Variants in GRM8 observed in about 807,000 individuals in gnomAD.
GRM8 encodes glutamate metabotropic receptor 8.
Under a neutral mutation model 87.2 loss-of-function variants are expected in GRM8, and 47 were observed. That is an observed-to-expected ratio of 0.54 (90% CI 0.43 to 0.69). GRM8 has a LOEUF of 0.69. Among genes scored for constraint, GRM8 ranks in the 30% least tolerant of loss-of-function variants. The probability of loss-of-function intolerance (pLI) is 0.00; values close to 1 mark genes in which losing one functional copy is unlikely to be tolerated. For missense variants in GRM8, 1,019 were observed against 1,139.2 expected (o/e 0.89, Z 1.52); for synonymous variants, 396 against 404.5 (o/e 0.98, Z 0.25).
intron 9 of GRM8, among the ~76,000 whole-genome samples, chr7:126,498,024 C>A (rs1162385814): frequency 2.0e-5 from 3 of 151,928 alleles, no homozygotes; most frequent in African/African-American, 7.2e-5. Context: ...ATCCCTTGAC[C>A]CTGAAATATC....
chr7:127,182,683 A>G (rs560431308), intron 2 of GRM8, among the ~76,000 whole-genome samples: 3 of 138,194 alleles, frequency 2.2e-5, no homozygotes, highest in Admixed American at 1.5e-4. Context: ...GTGTGTGTGT[A>G]TAGACAGATA....
chr7:127,171,138 A>G (rs1243300373), intron 2 of GRM8, among the ~76,000 whole-genome samples: 1 of 152,174 alleles, frequency 6.6e-6, no homozygotes, highest in Non-Finnish European at 1.5e-5. Flanking sequence ...ATGTGATGCA[A>G]ATAGCAAGAG....
intron 8 of GRM8, among the ~76,000 whole-genome samples, chr7:126,538,866 C>T (rs1816183367): frequency 6.6e-6 from 1 of 151,930 alleles, no homozygotes; most frequent in African/African-American, 2.4e-5. Context: ...TGAATGAGTA[C>T]ATGTTGCACA....
At chr7:126,602,364 C>T (rs191128280) in intron 8 of GRM8, among the ~76,000 whole-genome samples, 5,216 of 122,864 alleles carry the variant, frequency 0.042, 84 homozygotes, top group Middle Eastern at 0.063. Flanking sequence ...AGTCAGGTAG[C>T]GTGATGCCTC....
intron 9 of GRM8, among the ~76,000 whole-genome samples, chr7:126,473,254 G>A (rs1805510560): frequency 1.3e-5 from 2 of 152,136 alleles, no homozygotes; most frequent in South Asian, 2.1e-4. Context: ...GAACTGGGGT[G>A]GTATTCTGCA....
chr7:126,516,356 CT>C (rs1342525581), intron 9 of GRM8, among the ~76,000 whole-genome samples: 1 of 151,948 alleles, frequency 6.6e-6, no homozygotes, highest in African/African-American at 2.4e-5. Context: ...AACATTGTTC[CT>C]CTGTAGAACT....
At chr7:126,950,600 G>A (rs17864084) in intron 3 of GRM8, among the ~76,000 whole-genome samples, 20 of 152,134 alleles carry the variant, frequency 1.3e-4, no homozygotes, top group Non-Finnish European at 2.6e-4. Flanking sequence ...TCAGCTTAGA[G>A]TAAAAATTAG....
At chr7:127,249,229 C>T (rs1372320389) in intron 1 of GRM8, among the ~76,000 whole-genome samples, 2 of 152,266 alleles carry the variant, frequency 1.3e-5, no homozygotes, top group African/African-American at 2.4e-5. Flanking sequence ...TCCTGCCCTG[C>T]CCTGCCCTGC....
intron 7 of GRM8, among the ~76,000 whole-genome samples, chr7:126,754,462 A>G (rs1195562001): frequency 6.6e-6 from 1 of 151,860 alleles, no homozygotes; most frequent in Non-Finnish European, 1.5e-5. Flanking sequence ...CTCTGGAAAC[A>G]TTTTCGGTAA....
intron 6 of GRM8, among the ~76,000 whole-genome samples, chr7:126,783,755 A>G (rs1203019297): frequency 6.6e-6 from 1 of 152,180 alleles, no homozygotes; most frequent in East Asian, 1.9e-4. Context: ...AATTTCCATA[A>G]TAGAGGAAAT....
intron 6 of GRM8, among the ~76,000 whole-genome samples, chr7:126,897,251 G>T (rs187789052): frequency 2.6e-5 from 4 of 152,180 alleles, no homozygotes; most frequent in Admixed American, 1.3e-4. Context: ...TCACTATTGG[G>T]TCCTCACTAT....
intron 7 of GRM8, among the ~76,000 whole-genome samples, chr7:126,702,092 C>A (rs1684723521): frequency 6.6e-6 from 1 of 152,182 alleles, no homozygotes; most frequent in Non-Finnish European, 1.5e-5. Context: ...TTATTCAACT[C>A]AATTCAGCAA....
chr7:126,860,659 TCCAA>T (rs1554514675), intron 6 of GRM8, among the ~76,000 whole-genome samples: 1 of 152,166 alleles, frequency 6.6e-6, no homozygotes, highest in Non-Finnish European at 1.5e-5. Context: ...AGATATTAAC[TCCAA>T]TTCTTTTAAA....
chr7:126,707,542 C>T (rs901843869), intron 7 of GRM8, among the ~76,000 whole-genome samples: 5 of 152,076 alleles, frequency 3.3e-5, no homozygotes, highest in Admixed American at 1.3e-4. Context: ...TCTAGGTCTA[C>T]GCTAGGCTCT....
At chr7:126,752,986 C>T (rs1816594017) in intron 7 of GRM8, among the ~76,000 whole-genome samples, 1 of 152,108 alleles carries the variant, frequency 6.6e-6, no homozygotes, top group Non-Finnish European at 1.5e-5. Flanking sequence ...GCTCATTCAG[C>T]TCCTAACAAT....
intron 2 of GRM8, among the ~76,000 whole-genome samples, chr7:127,137,691 T>C (rs1025790961): frequency 5.3e-5 from 8 of 152,064 alleles, no homozygotes; most frequent in African/African-American, 1.9e-4. Context: ...TGGGTCCCTT[T>C]CCAAAATTTA....
At chr7:126,658,799 C>T (rs552647788) in intron 7 of GRM8, among the ~76,000 whole-genome samples, 4 of 151,900 alleles carry the variant, frequency 2.6e-5, no homozygotes, top group Non-Finnish European at 5.9e-5. Flanking sequence ...TCTGCCGGGC[C>T]CGCCCAGCAG....
In GRM8 at chr7:126,674,272, C is replaced by T. The variant is rs904110495; in HGVS notation, c.1358-64774G>A. On this transcript the variant is annotated intron_variant, in intron 7 of 10. Coordinates refer to ENST00000339582, the MANE Select transcript of GRM8 (RefSeq NM_000845.3). ...AACAACTGAGGAATATAAAAGGCAG[C>T]GTGTTTTTCCCTAGTCATAATCCTT... Among the ~76,000 whole-genome samples, 4 of 152,274 alleles carry T rather than the reference C, an allele frequency of 2.6e-5. No individual in the cohort carries two copies. In the East Asian group the frequency reaches 5.8e-4, roughly 22 times the overall value.
intron 8 of GRM8, among the ~76,000 whole-genome samples, chr7:126,592,550 T>C (rs1490991866): frequency 6.6e-6 from 1 of 152,000 alleles, no homozygotes; most frequent in South Asian, 2.1e-4. Flanking sequence ...TTTCAATAGA[T>C]GCAGATAAAA....
Sources: gnomAD v4.1 joint callset for allele counts (sites outside exome capture counted in the v4.1 genomes callset) on GRCh38, gnomAD v4.1.1 for gene constraint, MANE v1.5 for transcripts, NCBI Gene and HGNC (gene_info 2026-07-23, HGNC 2026-07-21) for gene names.